The following PCDH15 variants were observed in gnomAD, a reference collection of about 807,000 sequenced individuals.
The protein encoded by PCDH15 is protocadherin related 15, also known as protocadherin-15.
A neutral mutation model predicts 178.5 loss-of-function variants in PCDH15; 129 were observed. The ratio of observed to expected loss-of-function variants is 0.72; its 90% CI spans 0.63 to 0.84. The LOEUF (loss-of-function observed/expected upper bound fraction) is 0.84, where lower values mean the gene tolerates loss of function less well. PCDH15 is among the 40% of genes least tolerant of loss of function. The pLI is 0.00. For synonymous variants in PCDH15, 800 were observed against 732.0 expected, an observed-to-expected ratio of 1.09 and a Z score of -1.50; for missense variants, 2,230 against 2,099.9, an observed-to-expected ratio of 1.06 and a Z score of -1.21.
intron 2 of PCDH15, among the ~76,000 whole-genome samples, chr10:55,122,321 T>C (rs1258808010): frequency 1.3e-5 from 2 of 152,130 alleles, no homozygotes; most frequent in Non-Finnish European, 2.9e-5. Flanking sequence ...TAAGGAAGTT[T>C]AGACATTTTC....
At chr10:55,055,938 T>C (rs974296542) in intron 2 of PCDH15, among the ~76,000 whole-genome samples, 3 of 152,158 alleles carry the variant, frequency 2.0e-5, no homozygotes, top group Non-Finnish European at 4.4e-5. Flanking sequence ...AACTTAAAGA[T>C]AAGGAAAATA....
intron 2 of PCDH15, among the ~76,000 whole-genome samples, chr10:55,555,822 C>A (rs541319801): frequency 6.6e-6 from 1 of 151,998 alleles, no homozygotes; most frequent in South Asian, 2.1e-4. Context: ...GAGAATCTGC[C>A]ATACAGATGA....
At chr10:54,494,779 C>T (rs2079955707) in intron 3 of PCDH15, among the ~76,000 whole-genome samples, 1 of 151,990 alleles carries the variant, frequency 6.6e-6, no homozygotes, top group Non-Finnish European at 1.5e-5. Context: ...TTGCTAAATC[C>T]AGATTCCTCT....
rs1202733630 is a variant in PCDH15 at position 55,380,471 on chromosome 10, T to C, written c.-155-213820A>G. Among the ~76,000 whole-genome samples the C allele has an allele frequency of 2.0e-5, 3 of 152,172 alleles. No homozygotes were observed. The East Asian group carries it at 5.8e-4, about 29-fold the overall frequency. On this transcript the variant is annotated intron_variant, in intron 2 of 5. Transcript: ENST00000613346. The stretch of plus-strand genomic sequence containing the variant: ...GTCACTTTTTCAAGGATGTTAGTAT[T>C]GCAAACAACTTTAGAAGATAGTGCA...
Position 54,279,123 on chromosome 10 carries a change from T to G in PCDH15, c.876+38148A>C. On this transcript the variant is annotated intron_variant, in intron 8 of 37. Transcript: ENST00000644397. The stretch of plus-strand genomic sequence containing the variant: ...AAATAAACCAAAAAACACAAATTGA[T>G]TTTAATGAAAAATATCAATATTAAA... 2.0e-5 allele frequency among the ~76,000 whole-genome samples: 3 copies of G among 151,664 alleles called. 1 individual carries two copies. The East Asian group carries it at 5.8e-4, about 29-fold the overall frequency.
At chr10:55,492,235 GA>G (rs1011128599) in intron 2 of PCDH15, among the ~76,000 whole-genome samples, 10 of 150,792 alleles carry the variant, frequency 6.6e-5, no homozygotes, top group South Asian at 4.2e-4. Flanking sequence ...AAAGAAAAAA[GA>G]AAAAAAAATT....
rs1299024193 is a variant in PCDH15, at chr10:55,590,211, G to T, written c.-156+37414C>A. On this transcript the variant is annotated intron_variant, in intron 2 of 5. Coordinates refer to the PCDH15 transcript ENST00000613346. Reference sequence around the variant, plus strand: ...CATCATTCTCAGTAAACTATCACAAGGACAAAAAACCAAACACCGCATGTT... The same window carrying T: ...CATCATTCTCAGTAAACTATCACAATGACAAAAAACCAAACACCGCATGTT... Among the ~76,000 whole-genome samples the T allele has an allele frequency of 2.6e-5, 4 of 151,174 alleles. No individual in the cohort carries two copies. The East Asian group carries it at 7.9e-4, about 30-fold the overall frequency.
chr10:55,035,821 C>A (rs1840721350), intron 2 of PCDH15, among the ~76,000 whole-genome samples: 1 of 152,032 alleles, frequency 6.6e-6, no homozygotes, highest in Non-Finnish European at 1.5e-5. Context: ...AAAAATGCTC[C>A]ACTGATGGCC....
chr10:54,407,793 C>T (rs1235852801), intron 3 of PCDH15, among the ~76,000 whole-genome samples: 1 of 152,100 alleles, frequency 6.6e-6, no homozygotes, highest in African/African-American at 2.4e-5. Context: ...TGGTGGCTCC[C>T]ACCTATAATC....
chr10:54,548,058 G>A (rs1386858945), intron 2 of PCDH15, among the ~76,000 whole-genome samples: 3 of 142,342 alleles, frequency 2.1e-5, no homozygotes, highest in Non-Finnish European at 4.5e-5. Flanking sequence ...GAAAACATGC[G>A]CCACTGCACT....
At chr10:54,673,259 T>G (rs937673233) in intron 1 of PCDH15, among the ~76,000 whole-genome samples, 10 of 151,788 alleles carry the variant, frequency 6.6e-5, no homozygotes, top group African/African-American at 2.4e-4. Flanking sequence ...GTGTGTGATG[T>G]TCCCCTCTCT....
At chr10:54,460,655 T>C (rs1274464839) in intron 3 of PCDH15, among the ~76,000 whole-genome samples, 2 of 152,056 alleles carry the variant, frequency 1.3e-5, no homozygotes, top group Admixed American at 6.6e-5. Flanking sequence ...GCATTTAATA[T>C]AGGGAGTGAG....
chr10:54,358,861 G>A (rs1343563170), intron 5 of PCDH15, among the ~76,000 whole-genome samples: 2 of 151,800 alleles, frequency 1.3e-5, no homozygotes, highest in African/African-American at 4.8e-5. Context: ...GTCCTTTGTA[G>A]GGACATGGAT....
At chr10:54,846,057 C>A (rs1421185406) in intron 3 of PCDH15, among the ~76,000 whole-genome samples, 1 of 152,040 alleles carries the variant, frequency 6.6e-6, no homozygotes, top group Non-Finnish European at 1.5e-5. Context: ...CTTACCTTTA[C>A]TGCATATTAA....
intron 28 of PCDH15, among the ~76,000 whole-genome samples, chr10:53,841,729 C>T (rs566548242): frequency 2.6e-5 from 4 of 152,238 alleles, no homozygotes; most frequent in Admixed American, 6.5e-5. Flanking sequence ...CTCTCGGCTT[C>T]GCAATTTCTT....
intron 2 of PCDH15, among the ~76,000 whole-genome samples, chr10:55,079,191 T>G (rs956905681): frequency 6.6e-6 from 1 of 152,208 alleles, no homozygotes; most frequent in Non-Finnish European, 1.5e-5. Flanking sequence ...TTTCTGTGTC[T>G]TTATGTTGAT....
At chr10:54,317,032 TA>T (rs1176582496) in intron 8 of PCDH15, among the ~76,000 whole-genome samples, 1 of 152,146 alleles carries the variant, frequency 6.6e-6, no homozygotes, top group African/African-American at 2.4e-5. Flanking sequence ...AAAAATAAAA[TA>T]AAATAACCAT....
intron 2 of PCDH15, among the ~76,000 whole-genome samples, chr10:54,567,181 TTTG>T (rs2089169156): frequency 6.6e-6 from 1 of 152,178 alleles, no homozygotes; most frequent in African/African-American, 2.4e-5. Context: ...AAATGAGTGG[TTTG>T]TTTTCTTATT....
At chr10:55,011,551 A>T (rs969591568) in intron 2 of PCDH15, among the ~76,000 whole-genome samples, 30 of 152,248 alleles carry the variant, frequency 2.0e-4, no homozygotes, top group African/African-American at 6.7e-4. Flanking sequence ...TGTTTGACTT[A>T]AGATTTTACA....
Sources: gnomAD v4.1 joint callset for allele counts (sites outside exome capture counted in the v4.1 genomes callset) on GRCh38, gnomAD v4.1.1 for gene constraint, MANE v1.5 for transcripts, NCBI Gene and HGNC (gene_info 2026-07-23, HGNC 2026-07-21) for gene names.